The following TSC22D1 variants were observed in gnomAD, a reference collection of about 807,000 sequenced individuals.
TSC22D1 encodes the protein TSC22 domain family protein 1.
In TSC22D1, 9 loss-of-function variants were observed where a neutral mutation model predicts 74.2. That is an observed-to-expected ratio of 0.12 (90% CI 0.07 to 0.21). The LOEUF (loss-of-function observed/expected upper bound fraction) is 0.21, where lower values mean the gene tolerates loss of function less well. TSC22D1 is among the 10% of genes least tolerant of loss of function. The pLI is 1.00. For missense variants in TSC22D1, 1,427 were observed against 1,304.7 expected (o/e 1.09, Z -1.44); for synonymous variants, 586 against 492.5 (o/e 1.19, Z -2.51).
chr13:44,442,470 CTAAAT>C (rs1472915659), intron 1 of TSC22D1, among the ~76,000 whole-genome samples: 4 of 151,712 alleles, frequency 2.6e-5, no homozygotes, highest in South Asian at 4.2e-4. Context: ...GTAAGAAAAC[CTAAAT>C]TAAATTATCA....
intron 1 of TSC22D1, chr13:44,539,614 T>C (rs1157109650): frequency 3.0e-6 from 3 of 985,210 alleles, no homozygotes; most frequent in Non-Finnish European, 3.6e-6. Context: ...CATTTTTGAA[T>C]GAGTACTAGT....
intron 1 of TSC22D1, among the ~76,000 whole-genome samples, chr13:44,543,990 G>A (rs890293833): frequency 2.0e-5 from 3 of 152,140 alleles, no homozygotes; most frequent in Admixed American, 1.3e-4. Context: ...CTACTCGGGA[G>A]GCTGAAGGAG....
chr13:44,470,444 A>AATT (rs1877535104), intron 1 of TSC22D1, among the ~76,000 whole-genome samples: 1 of 152,314 alleles, frequency 6.6e-6, no homozygotes, highest in East Asian at 1.9e-4. Context: ...CATCCTTTAT[A>AATT]ATTATTATTA....
In TSC22D1 at chr13:44,434,697, T is replaced by C. The variant is rs751869518; in HGVS notation, c.3151A>G (p.Thr1051Ala). 2.5e-6 allele frequency: 4 copies of C among 1,609,338 alleles called. No individual in the cohort carries two copies. In the South Asian group the frequency reaches 4.4e-5, roughly 18 times the overall value. The change falls in exon 3 of 3, where the codon ACC (threonine) becomes GCC (alanine). Residue 1051 changes from threonine to alanine, a missense_variant. Transcript: ENST00000458659. The part of the protein sequence containing the change: ...AQLQTGSPPA[T>A]TQPQGTTQPP... ...TGTGTGGTGCCCTGTGGCTGGGTGGTGGCAGGGGGGGAGCCAGTCTGCAGC... is the reference window on the plus strand; with the variant it reads ...TGTGTGGTGCCCTGTGGCTGGGTGGCGGCAGGGGGGGAGCCAGTCTGCAGC...
In TSC22D1 at chr13:44,433,990, A is replaced by G. The variant is rs1874284208; in HGVS notation, c.*636T>C. 1 of 1,534,562 alleles carries G rather than the reference A, an allele frequency of 6.5e-7. No homozygotes were observed. The highest frequency in any genetic ancestry group is 1.4e-5 in the African/African-American group (1 of 72,918). On this transcript the variant is annotated 3_prime_UTR_variant, in exon 3 of 3. Coordinates refer to ENST00000458659, the MANE Select transcript of TSC22D1 (RefSeq NM_183422.4). ...CTACATACACAAATATACAATAAGC[A>G]AAACAACCTTCATGGTAAGATAGCC...
chr13:44,476,829 A>G (rs1029122728), intron 1 of TSC22D1, among the ~76,000 whole-genome samples: 1 of 151,780 alleles, frequency 6.6e-6, no homozygotes, highest in Non-Finnish European at 1.5e-5. Flanking sequence ...GGTGCATGCC[A>G]CCAATTTTTT....
intron 1 of TSC22D1, among the ~76,000 whole-genome samples, chr13:44,517,829 G>GTGTATATATATATATATA (rs1271183064): frequency 7.1e-5 from 1 of 14,128 alleles, no homozygotes; most frequent in Non-Finnish European, 1.5e-4. Context: ...GTGTGTGTGT[G>GTGTATATATATATATATA]TATATATATA....
chr13:44,454,690 T>TCC (rs1876425465), intron 1 of TSC22D1, among the ~76,000 whole-genome samples: 1 of 152,242 alleles, frequency 6.6e-6, no homozygotes, highest in Non-Finnish European at 1.5e-5. Flanking sequence ...CTACACGTTA[T>TCC]GTATATTACC....
At chr13:44,475,876 C>T (rs1411649950) in intron 1 of TSC22D1, among the ~76,000 whole-genome samples, 1 of 152,164 alleles carries the variant, frequency 6.6e-6, no homozygotes, top group East Asian at 1.9e-4. Context: ...CCAGCTCAGC[C>T]AGTCCCTGCA....
chr13:44,450,112 T>C (rs192271648), intron 1 of TSC22D1, among the ~76,000 whole-genome samples: 1 of 148,538 alleles, frequency 6.7e-6, no homozygotes, highest in East Asian at 1.9e-4. Flanking sequence ...ACTTACCCTC[T>C]GGGTGTTGAA....
chr13:44,546,406 T>G (rs1881828532), intron 1 of TSC22D1, among the ~76,000 whole-genome samples: 1 of 152,136 alleles, frequency 6.6e-6, no homozygotes, highest in Non-Finnish European at 1.5e-5. Context: ...TATCTACTAA[T>G]AAGAATATAC....
intron 1 of TSC22D1, among the ~76,000 whole-genome samples, chr13:44,454,009 T>G (rs570966283): frequency 6.6e-6 from 1 of 152,330 alleles, no homozygotes; most frequent in East Asian, 1.9e-4. Flanking sequence ...TGCATTATTT[T>G]GAATAAAACA....
At chr13:44,492,871 T>TA (rs1481101169) in intron 1 of TSC22D1, among the ~76,000 whole-genome samples, 1 of 152,148 alleles carries the variant, frequency 6.6e-6, no homozygotes, top group Non-Finnish European at 1.5e-5. Context: ...AATACATAAA[T>TA]ATGAGTTCTA....
intron 1 of TSC22D1, among the ~76,000 whole-genome samples, chr13:44,512,170 CTTTT>C (rs953941272): frequency 4.5e-4 from 69 of 151,678 alleles, no homozygotes; most frequent in East Asian, 3.9e-4. Context: ...TGTTTGTTTT[CTTTT>C]TTTGTTTGTT....
chr13:44,556,704 A>G (rs1348097227), intron 1 of TSC22D1, among the ~76,000 whole-genome samples: 1 of 152,074 alleles, frequency 6.6e-6, no homozygotes, highest in Non-Finnish European at 1.5e-5. Context: ...CGTCTCTACT[A>G]AAAATACAAA....
At chr13:44,539,744 A>T in intron 1 of TSC22D1, 1 of 1,255,680 alleles carries the variant, frequency 8.0e-7, no homozygotes, top group Non-Finnish European at 1.0e-6. Context: ...AATTAACCCA[A>T]GTAAATAATG....
intron 1 of TSC22D1, among the ~76,000 whole-genome samples, chr13:44,488,982 AAAG>A (rs144521066): frequency 0.06 from 9,097 of 152,230 alleles, 327 homozygotes; most frequent in Middle Eastern, 0.14. Context: ...ATGGCATCTT[AAAG>A]AAGAAGAAAG....
chr13:44,435,929 C>T, intron 2 of TSC22D1, 115 bp downstream of exon 2: 4 of 1,116,288 alleles, frequency 3.6e-6, no homozygotes, highest in Non-Finnish European at 5.3e-6. Flanking sequence ...GGCATTTCTA[C>T]GCGCATCAAG....
intron 1 of TSC22D1, among the ~76,000 whole-genome samples, chr13:44,534,362 A>T (rs1202122524): frequency 1.1e-5 from 1 of 92,996 alleles, no homozygotes; most frequent in African/African-American, 5.3e-5. Flanking sequence ...ACCCCGTCTT[A>T]AAAAAAAAAA....
Sources: gnomAD v4.1 joint callset for allele counts (sites outside exome capture counted in the v4.1 genomes callset) on GRCh38, gnomAD v4.1.1 for gene constraint, MANE v1.5 for transcripts, NCBI Gene and HGNC (gene_info 2026-07-23, HGNC 2026-07-21) for gene names.